The following AHI1 variants were observed in gnomAD, a reference collection of about 807,000 sequenced individuals.
AHI1 encodes the protein Abelson helper integration site 1.
Under a neutral mutation model 149.3 loss-of-function variants are expected in AHI1, and 123 were observed. That is an observed-to-expected ratio of 0.82 (90% CI 0.71 to 0.96). The LOEUF (loss-of-function observed/expected upper bound fraction) is 0.96, where lower values mean the gene tolerates loss of function less well. AHI1 is among the 40% of genes least tolerant of loss of function. The probability of loss-of-function intolerance (pLI) is 0.00; values close to 1 mark genes in which losing one functional copy is unlikely to be tolerated. For missense variants in AHI1, 1,439 were observed against 1,422.7 expected (o/e 1.01, Z -0.18); for synonymous variants, 475 against 459.8 (o/e 1.03, Z -0.42).
chr6:135,291,457 C>T (rs746683093), intron 27 of AHI1, among the ~76,000 whole-genome samples: 31 of 152,078 alleles, frequency 2.0e-4, no homozygotes, highest in Non-Finnish European at 3.5e-4. Context: ...GAAACCAGAG[C>T]GTGCTCTTTT....
At chr6:135,397,682 C>T (rs1779414684) in intron 22 of AHI1, among the ~76,000 whole-genome samples, 1 of 151,908 alleles carries the variant, frequency 6.6e-6, no homozygotes, top group Non-Finnish European at 1.5e-5. Flanking sequence ...ATTGAATGCA[C>T]AATATTAAGC....
chr6:135,312,340 C>G (rs553776307), intron 26 of AHI1, among the ~76,000 whole-genome samples: 6 of 152,134 alleles, frequency 3.9e-5, no homozygotes. Context: ...TAGTGAAACC[C>G]TGTCTCTACT....
At chr6:135,363,054 T>G (rs1794166330) in intron 23 of AHI1, among the ~76,000 whole-genome samples, 1 of 150,132 alleles carries the variant, frequency 6.7e-6, no homozygotes, top group Non-Finnish European at 1.5e-5. Context: ...ATTATTATTA[T>G]TATTATTATT....
intron 21 of AHI1, among the ~76,000 whole-genome samples, chr6:135,410,792 T>G (rs910467242): frequency 3.3e-5 from 5 of 152,216 alleles, no homozygotes; most frequent in African/African-American, 1.2e-4. Context: ...CTCTAAATAT[T>G]CTGTTTCTTA....
chr6:135,328,129 G>A (rs1787984923), intron 24 of AHI1, among the ~76,000 whole-genome samples: 2 of 152,164 alleles, frequency 1.3e-5, no homozygotes, highest in African/African-American at 4.8e-5. Context: ...CCCTCAACCT[G>A]TGGGATCCGA....
At chr6:135,401,125 C>T (rs935278679) in intron 22 of AHI1, among the ~76,000 whole-genome samples, 2 of 152,274 alleles carry the variant, frequency 1.3e-5, no homozygotes, top group East Asian at 1.9e-4. Flanking sequence ...CAGTTTTCTT[C>T]CTAGATGAGG....
At position 135,414,921 on chromosome 6, in the gene AHI1, G is replaced by A. The variant is rs566207400; in HGVS notation, c.2765-3377C>T. On this transcript the variant is annotated intron_variant, in intron 20 of 28. Transcript: ENST00000265602. ...GCTGGTGTGCTGCACCCATTAACTC[G>A]TCATTTAGCATTAGGTATATCCCTA... Among the ~76,000 whole-genome samples, 40 of 150,006 alleles carry A rather than the reference G, an allele frequency of 2.7e-4. No homozygotes were observed. In the South Asian group the frequency reaches 7.7e-3, roughly 29 times the overall value.
chr6:135,324,517 A>C (rs1787344220), intron 24 of AHI1, among the ~76,000 whole-genome samples: 1 of 148,152 alleles, frequency 6.7e-6, no homozygotes, highest in South Asian at 2.1e-4. Flanking sequence ...ACAACTACAT[A>C]TGTAATGGAA....
intron 23 of AHI1, 175 bp downstream of exon 23, chr6:135,394,601 C>T (rs1041008793): frequency 4.0e-5 from 35 of 880,910 alleles, no homozygotes; most frequent in Admixed American, 1.3e-4. Context: ...CAATTCCAAA[C>T]TTACTTTTGA....
intron 20 of AHI1, among the ~76,000 whole-genome samples, chr6:135,414,076 T>C (rs1248077314): frequency 1.3e-5 from 2 of 152,076 alleles, no homozygotes; most frequent in Non-Finnish European, 2.9e-5. Flanking sequence ...TGACTTCAAA[T>C]CCTATAAAGC....
At chr6:135,438,588 A>C in intron 14 of AHI1, 90 bp from the exon 15 acceptor site, 1 of 1,059,152 alleles carries the variant, frequency 9.4e-7, no homozygotes, top group Non-Finnish European at 1.2e-6. Flanking sequence ...ATTTAGACAT[A>C]AGCAGTCTAT....
intron 24 of AHI1, among the ~76,000 whole-genome samples, chr6:135,341,022 T>C (rs1274081655): frequency 1.3e-5 from 2 of 151,850 alleles, no homozygotes; most frequent in East Asian, 3.9e-4. Context: ...TGCCCAAAAG[T>C]GAGTAACGGT....
At chr6:135,377,611 G>C (rs1227032888) in intron 23 of AHI1, among the ~76,000 whole-genome samples, 1 of 151,950 alleles carries the variant, frequency 6.6e-6, no homozygotes, top group Non-Finnish European at 1.5e-5. Context: ...CACCCGAGTA[G>C]TGGGACTACA....
At chr6:135,297,220 G>A (rs1422528091) in intron 27 of AHI1, among the ~76,000 whole-genome samples, 1 of 151,710 alleles carries the variant, frequency 6.6e-6, no homozygotes, top group East Asian at 1.9e-4. Flanking sequence ...ATCATCAGAT[G>A]CCCTCAAGAC....
intron 3 of AHI1, among the ~76,000 whole-genome samples, chr6:135,494,678 A>C (rs1261042040): frequency 1.3e-5 from 2 of 152,204 alleles, no homozygotes; most frequent in East Asian, 3.8e-4. Context: ...TTTGTTAGGC[A>C]ATCTACTAAT....
chr6:135,384,458 T>C (rs1046662655), intron 23 of AHI1, among the ~76,000 whole-genome samples: 2 of 152,148 alleles, frequency 1.3e-5, no homozygotes, highest in African/African-American at 4.8e-5. Flanking sequence ...CAACAGAATA[T>C]GGATCTAAAT....
At chr6:135,346,258 G>A (rs570863100) in intron 24 of AHI1, among the ~76,000 whole-genome samples, 1 of 151,832 alleles carries the variant, frequency 6.6e-6, no homozygotes, top group South Asian at 2.1e-4. Flanking sequence ...GCAGTGGCGC[G>A]ATCTTGGCTC....
chr6:135,434,664 G>A (rs190858611), intron 15 of AHI1, among the ~76,000 whole-genome samples: 3 of 152,016 alleles, frequency 2.0e-5, no homozygotes, highest in African/African-American at 7.2e-5. Flanking sequence ...CCAGGCCATG[G>A]TAGAATCTGA....
At chr6:135,455,212 T>C (rs1788735794) in intron 10 of AHI1, among the ~76,000 whole-genome samples, 1 of 152,086 alleles carries the variant, frequency 6.6e-6, no homozygotes, top group Non-Finnish European at 1.5e-5. Flanking sequence ...TAACAACTAG[T>C]CAGCTCAAAA....
Sources: gnomAD v4.1 joint callset for allele counts (sites outside exome capture counted in the v4.1 genomes callset) on GRCh38, gnomAD v4.1.1 for gene constraint, MANE v1.5 for transcripts, NCBI Gene and HGNC (gene_info 2026-07-23, HGNC 2026-07-21) for gene names.